PHF21A: variants seen among roughly 807,000 people sequenced by gnomAD.
PHF21A encodes the protein BHC80a.
Under a neutral mutation model 82.5 loss-of-function variants are expected in PHF21A, and 11 were observed. The observed-to-expected ratio is 0.13, with a 90% CI of 0.08 to 0.22. PHF21A has a LOEUF of 0.22. Among genes scored for constraint, PHF21A ranks in the 10% least tolerant of loss-of-function variants. The probability of loss-of-function intolerance (pLI) is 1.00; values close to 1 mark genes in which losing one functional copy is unlikely to be tolerated. For missense variants in PHF21A, 579 were observed against 837.8 expected (o/e 0.69, Z 3.81); for synonymous variants, 297 against 302.8 (o/e 0.98, Z 0.20).
intron 6 of PHF21A, among the ~76,000 whole-genome samples, chr11:45,980,313 C>T (rs950615679): frequency 1.3e-5 from 2 of 152,200 alleles, no homozygotes; most frequent in Non-Finnish European, 2.9e-5. Context: ...AGCCATCCTA[C>T]TTCAACTCCA....
chr11:46,096,203 C>G (rs1409821422), intron 1 of PHF21A, among the ~76,000 whole-genome samples: 1 of 152,024 alleles, frequency 6.6e-6, no homozygotes, highest in African/African-American at 2.4e-5. Context: ...TCCTCTAGCT[C>G]TTTTCCTTTT....
At chr11:46,060,463 A>G (rs1390982661) in intron 6 of PHF21A, among the ~76,000 whole-genome samples, 1 of 152,164 alleles carries the variant, frequency 6.6e-6, no homozygotes, top group East Asian at 1.9e-4. Flanking sequence ...ATGTTATATT[A>G]TATAAAATAA....
intron 1 of PHF21A, among the ~76,000 whole-genome samples, chr11:46,112,712 C>T (rs2097231845): frequency 6.6e-6 from 1 of 151,952 alleles, no homozygotes; most frequent in African/African-American, 2.4e-5. Context: ...AATACTGGCA[C>T]AGAAAACCTT....
intron 6 of PHF21A, among the ~76,000 whole-genome samples, chr11:46,060,282 G>A (rs763756378): frequency 2.6e-5 from 4 of 152,082 alleles, no homozygotes; most frequent in Non-Finnish European, 5.9e-5. Context: ...ACAGGCATAA[G>A]CCACTACACC....
intron 6 of PHF21A, among the ~76,000 whole-genome samples, chr11:46,043,523 C>T (rs2096196120): frequency 6.6e-6 from 1 of 152,060 alleles, no homozygotes; most frequent in Non-Finnish European, 1.5e-5. Context: ...CCTCTCCTTC[C>T]ACTGGCCTAG....
chr11:46,061,230 C>T (rs1039417755), intron 6 of PHF21A, among the ~76,000 whole-genome samples: 14 of 152,242 alleles, frequency 9.2e-5, no homozygotes, highest in African/African-American at 2.9e-4. Context: ...AGTTTGAAGT[C>T]GGTTAGCATG....
chr11:46,076,908 T>A, intron 5 of PHF21A, 89 bp from the exon 6 acceptor site: 1 of 1,018,396 alleles, frequency 9.8e-7, no homozygotes, highest in Non-Finnish European at 1.5e-6. Context: ...GCATTACAAA[T>A]GATGAAGCAA....
At chr11:46,074,331 A>C (rs920237926) in intron 6 of PHF21A, among the ~76,000 whole-genome samples, 1 of 152,090 alleles carries the variant, frequency 6.6e-6, no homozygotes, top group Non-Finnish European at 1.5e-5. Flanking sequence ...TGTATTTTAA[A>C]TTTTTCTAAC....
At chr11:46,080,469 A>C (rs1340266371) in intron 4 of PHF21A, among the ~76,000 whole-genome samples, 1 of 152,000 alleles carries the variant, frequency 6.6e-6, no homozygotes, top group Admixed American at 6.6e-5. Flanking sequence ...CTTAAAAAGA[A>C]GAAAAAAAAT....
chr11:45,959,644 G>C (rs2092951210), intron 10 of PHF21A, among the ~76,000 whole-genome samples: 1 of 152,114 alleles, frequency 6.6e-6, no homozygotes, highest in Non-Finnish European at 1.5e-5. Context: ...AAAACTCAAA[G>C]AATCCATAAA....
At chr11:45,980,197 A>G (rs117594625) in intron 6 of PHF21A, among the ~76,000 whole-genome samples, 114 of 152,330 alleles carry the variant, frequency 7.5e-4, no homozygotes, top group Non-Finnish European at 1.2e-3. Flanking sequence ...TGAGGCACAC[A>G]AATGAAAAAT....
At chr11:46,060,733 C>T (rs550827617) in intron 6 of PHF21A, among the ~76,000 whole-genome samples, 2 of 152,144 alleles carry the variant, frequency 1.3e-5, no homozygotes, top group Non-Finnish European at 2.9e-5. Flanking sequence ...TTGTCAGATG[C>T]ACAGTTTGCA....
chr11:46,089,340 T>C (rs1457683028), intron 3 of PHF21A, among the ~76,000 whole-genome samples: 7 of 152,194 alleles, frequency 4.6e-5, no homozygotes, highest in African/African-American at 1.4e-4. Context: ...GTGCTAAAAT[T>C]ACCATGAATG....
chr11:46,112,303 A>G (rs937021954), intron 1 of PHF21A, among the ~76,000 whole-genome samples: 1 of 152,188 alleles, frequency 6.6e-6, no homozygotes, highest in South Asian at 2.1e-4. Flanking sequence ...ATTATATTGT[A>G]AAAAGAGAGG....
At chr11:46,080,862 C>T (rs943269057) in intron 4 of PHF21A, among the ~76,000 whole-genome samples, 1 of 151,058 alleles carries the variant, frequency 6.6e-6, no homozygotes, top group Admixed American at 6.6e-5. Flanking sequence ...TGAGGTCTCA[C>T]TATGTTATCC....
intron 6 of PHF21A, among the ~76,000 whole-genome samples, chr11:46,012,242 C>G (rs762765033): frequency 6.6e-6 from 1 of 152,218 alleles, no homozygotes; most frequent in South Asian, 2.1e-4. Flanking sequence ...TTCCTGACCT[C>G]TTTGTGCAGC....
chr11:46,094,889 T>G (rs566035958), intron 1 of PHF21A, among the ~76,000 whole-genome samples: 2 of 152,018 alleles, frequency 1.3e-5, no homozygotes, highest in South Asian at 2.1e-4. Flanking sequence ...ACAGAGTGAG[T>G]CTCCGTCCCA....
intron 6 of PHF21A, among the ~76,000 whole-genome samples, chr11:46,033,524 A>G (rs1434473819): frequency 6.6e-6 from 1 of 152,156 alleles, no homozygotes; most frequent in African/African-American, 2.4e-5. Flanking sequence ...TCAGCCTCCC[A>G]AAGTGTTGGG....
chr11:45,964,699 T>C (rs1258729651), intron 10 of PHF21A, among the ~76,000 whole-genome samples: 1 of 152,226 alleles, frequency 6.6e-6, no homozygotes, highest in Non-Finnish European at 1.5e-5. Flanking sequence ...TACAGAACCT[T>C]CAAGTATTTT....
Sources: allele counts gnomAD v4.1 joint callset (sites outside exome capture counted in the v4.1 genomes callset), GRCh38; gene constraint gnomAD v4.1.1; transcripts MANE v1.5; gene names NCBI Gene and HGNC (gene_info 2026-07-23, HGNC 2026-07-21).